Variants in RBM19 observed in about 807,000 individuals in gnomAD.
RBM19 encodes the protein probable RNA-binding protein 19.
RBM19 carries 94 observed loss-of-function variants against 116.8 expected under a neutral mutation model. The ratio of observed to expected loss-of-function variants is 0.80; its 90% CI spans 0.68 to 0.95. The LOEUF (loss-of-function observed/expected upper bound fraction) is 0.95, where lower values mean the gene tolerates loss of function less well. Among genes scored for constraint, RBM19 ranks in the 40% least tolerant of loss-of-function variants. The pLI is 0.00. For missense variants in RBM19, 1,161 were observed against 1,220.7 expected, an observed-to-expected ratio of 0.95 and a Z score of 0.73; for synonymous variants, 475 against 494.1, an observed-to-expected ratio of 0.96 and a Z score of 0.51.
At chr12:113,946,683 C>T (rs2135919286) in intron 11 of RBM19, among the ~76,000 whole-genome samples, 1 of 152,288 alleles carries the variant, frequency 6.6e-6, no homozygotes, top group East Asian at 1.9e-4. Context: ...CCTGACACAG[C>T]TACACACACA....
At chr12:113,874,598 AC>A (rs1237089693) in intron 21 of RBM19, among the ~76,000 whole-genome samples, 1 of 152,218 alleles carries the variant, frequency 6.6e-6, no homozygotes, top group Admixed American at 6.5e-5. Context: ...GGGGACAGTA[AC>A]CAGCTTCAGC....
At chr12:113,828,539 G>A (rs2135686468) in intron 23 of RBM19, among the ~76,000 whole-genome samples, 1 of 152,214 alleles carries the variant, frequency 6.6e-6, no homozygotes. Flanking sequence ...TGGGCGAGGG[G>A]AGGAAGGAGG....
At chr12:113,956,699 G>T (rs1871977668) in intron 6 of RBM19, among the ~76,000 whole-genome samples, 1 of 152,040 alleles carries the variant, frequency 6.6e-6, no homozygotes, top group South Asian at 2.1e-4. Flanking sequence ...ATGCAGAGAG[G>T]ACTCCCAGGT....
intron 16 of RBM19, among the ~76,000 whole-genome samples, chr12:113,928,256 G>C (rs1316188122): frequency 6.6e-6 from 1 of 152,124 alleles, no homozygotes; most frequent in Admixed American, 6.5e-5. Context: ...AGAATTGCTC[G>C]AACCTGGGAG....
At chr12:113,920,571 A>G (rs1215502813) in intron 19 of RBM19, 40 bp downstream of exon 19, 2 of 1,568,438 alleles carry the variant, frequency 1.3e-6, no homozygotes, top group East Asian at 2.2e-5. Context: ...ACTACCTGCC[A>G]AGTGCCTCCG....
At chr12:113,837,329 G>A (rs1759478697) in intron 23 of RBM19, among the ~76,000 whole-genome samples, 1 of 150,586 alleles carries the variant, frequency 6.6e-6, no homozygotes, top group Admixed American at 6.6e-5. Context: ...CTGTGTCTTG[G>A]TCCTTTGCCC....
At chr12:113,936,517 G>A (rs1593614136) in intron 16 of RBM19, among the ~76,000 whole-genome samples, 3 of 152,348 alleles carry the variant, frequency 2.0e-5, no homozygotes, top group East Asian at 3.9e-4. Context: ...AAAGCCCAAT[G>A]ATACCCCTTT....
intron 2 of RBM19, among the ~76,000 whole-genome samples, chr12:113,961,656 G>A (rs1334061935): frequency 6.6e-6 from 1 of 152,058 alleles, no homozygotes; most frequent in Non-Finnish European, 1.5e-5. Flanking sequence ...CTAAATACAC[G>A]AGTGACCTGA....
intron 14 of RBM19, among the ~76,000 whole-genome samples, chr12:113,941,501 A>G (rs939958305): frequency 1.4e-5 from 2 of 143,716 alleles, no homozygotes; most frequent in African/African-American, 5.7e-5. Context: ...GTGCTTTGGT[A>G]AGTCTTAATA....
At chr12:113,895,071 A>G (rs905203091) in intron 21 of RBM19, among the ~76,000 whole-genome samples, 2 of 152,258 alleles carry the variant, frequency 1.3e-5, no homozygotes, top group African/African-American at 2.4e-5. Flanking sequence ...GTGATAGTTG[A>G]TATTTGCAAG....
At chr12:113,914,272 C>G (rs930713325) in intron 21 of RBM19, among the ~76,000 whole-genome samples, 1 of 152,256 alleles carries the variant, frequency 6.6e-6, no homozygotes, top group African/African-American at 2.4e-5. Flanking sequence ...AGAGGCCCGC[C>G]TGCTGCTCAG....
At chr12:113,853,113 G>A (rs549444378) in intron 22 of RBM19, among the ~76,000 whole-genome samples, 2 of 152,346 alleles carry the variant, frequency 1.3e-5, no homozygotes, top group African/African-American at 4.8e-5. Flanking sequence ...GGCCCAGTGC[G>A]AGCTTCTGCC....
At chr12:113,924,115 G>T (rs1868843697) in intron 18 of RBM19, among the ~76,000 whole-genome samples, 1 of 152,246 alleles carries the variant, frequency 6.6e-6, no homozygotes, top group Non-Finnish European at 1.5e-5. Context: ...CCCAGCAGAG[G>T]CCAGGAGACT....
At chr12:113,933,686 C>T (rs769506692) in intron 16 of RBM19, among the ~76,000 whole-genome samples, 25 of 152,216 alleles carry the variant, frequency 1.6e-4, no homozygotes, top group Non-Finnish European at 2.6e-4. Context: ...TGGGAAAACA[C>T]TCTGACCGTA....
At chr12:113,955,559 C>A (rs1053972196) in intron 6 of RBM19, among the ~76,000 whole-genome samples, 1 of 152,198 alleles carries the variant, frequency 6.6e-6, no homozygotes, top group African/African-American at 2.4e-5. Context: ...CAGTGCCAGA[C>A]ACTAAGCCAA....
intron 16 of RBM19, 166 bp from the exon 17 acceptor site, chr12:113,927,395 A>C: frequency 1.4e-6 from 1 of 733,726 alleles, no homozygotes; most frequent in South Asian, 2.0e-5. Context: ...ACTTGTGCTG[A>C]GCTTCAGCAA....
chr12:113,830,573 GGC>G lies in RBM19; in HGVS notation c.2786-7254_2786-7253del, dbSNP rs1491568075. On this transcript the variant is annotated intron_variant, in intron 23 of 23. Coordinates refer to ENST00000261741, the MANE Select transcript of RBM19 (RefSeq NM_016196.4). Reference sequence around the variant, plus strand: ...GAGTTACCCTGAGCTAGGGCTGCGGGGCGGGGGGGGGGGGGGTGGGCTATGCC... The same window carrying G: ...GAGTTACCCTGAGCTAGGGCTGCGGGGGGGGGGGGGGGGGTGGGCTATGCC... Among the ~76,000 whole-genome samples, 140 of 27,186 alleles carry G rather than the reference GGC, an allele frequency of 5.1e-3. 11 individuals are homozygous for G. In the East Asian group the frequency reaches 0.055, roughly 11 times the overall value. The allele number at this position is 27,186 out of a possible 152,430, so 17.8% of individuals were successfully genotyped here.
intron 21 of RBM19, among the ~76,000 whole-genome samples, chr12:113,911,473 TG>T (rs1882423755): frequency 1.3e-5 from 2 of 152,250 alleles, no homozygotes; most frequent in Non-Finnish European, 2.9e-5. Context: ...ACCTGGGTTC[TG>T]TCTATAAACT....
At chr12:113,817,588 G>A (rs1874131783), downstream of RBM19, 1 of 152,248 alleles carries the variant, frequency 6.6e-6, no homozygotes. Context: ...TCAAGTTTCT[G>A]GGGACGAAAC....
Sources: gnomAD v4.1 joint callset for allele counts (sites outside exome capture counted in the v4.1 genomes callset) on GRCh38, gnomAD v4.1.1 for gene constraint, MANE v1.5 for transcripts, NCBI Gene and HGNC (gene_info 2026-07-23, HGNC 2026-07-21) for gene names.